BTBD9: variants seen among roughly 807,000 people sequenced by gnomAD.
The protein encoded by BTBD9 is BTB/POZ domain-containing protein 9.
BTBD9 carries 49 observed loss-of-function variants against 64.3 expected under a neutral mutation model. The observed-to-expected ratio is 0.76, with a 90% CI of 0.61 to 0.97. The LOEUF is 0.97. BTBD9 is among the 50% of genes least tolerant of loss of function. The pLI is 0.00. For missense variants in BTBD9, 598 were observed against 762.1 expected, an observed-to-expected ratio of 0.78 and a Z score of 2.53; for synonymous variants, 260 against 274.7, an observed-to-expected ratio of 0.95 and a Z score of 0.53.
chr6:38,268,625 C>T (rs1765096872), intron 8 of BTBD9, among the ~76,000 whole-genome samples: 1 of 152,160 alleles, frequency 6.6e-6, no homozygotes, highest in Non-Finnish European at 1.5e-5. Flanking sequence ...TACTATTTTC[C>T]CACACCTCTT....
chr6:38,302,386 C>T (rs903513174), intron 7 of BTBD9, among the ~76,000 whole-genome samples: 4 of 151,202 alleles, frequency 2.6e-5, no homozygotes, highest in African/African-American at 9.7e-5. Flanking sequence ...CTGTGCCTGG[C>T]TTTCTTATTT....
chr6:38,632,412 A>G (rs1778392135), intron 1 of BTBD9, among the ~76,000 whole-genome samples: 1 of 152,232 alleles, frequency 6.6e-6, no homozygotes, highest in South Asian at 2.1e-4. Flanking sequence ...AATAGAATGT[A>G]TTAATTTTGT....
At chr6:38,364,021 C>T (rs1483887312) in intron 6 of BTBD9, among the ~76,000 whole-genome samples, 2 of 152,054 alleles carry the variant, frequency 1.3e-5, no homozygotes, top group African/African-American at 4.8e-5. Flanking sequence ...GGGGGTTACA[C>T]TAGCCAGGTA....
intron 6 of BTBD9, among the ~76,000 whole-genome samples, chr6:38,364,598 G>T (rs752627275): frequency 6.6e-6 from 1 of 152,158 alleles, no homozygotes; most frequent in Non-Finnish European, 1.5e-5. Context: ...AATACTCCTT[G>T]CCTGACCTTG....
intron 6 of BTBD9, among the ~76,000 whole-genome samples, chr6:38,373,067 A>G (rs975176983): frequency 6.6e-6 from 1 of 152,156 alleles, no homozygotes; most frequent in African/African-American, 2.4e-5. Flanking sequence ...GACCAGCAGC[A>G]AGCACTTAGA....
intron 7 of BTBD9, among the ~76,000 whole-genome samples, chr6:38,319,442 T>C (rs938351345): frequency 2.6e-5 from 4 of 151,860 alleles, no homozygotes; most frequent in African/African-American, 9.7e-5. Context: ...AGGCTCACAG[T>C]GTGTACTACT....
intron 1 of BTBD9, among the ~76,000 whole-genome samples, chr6:38,615,114 T>G (rs941026404): frequency 7.2e-5 from 11 of 152,240 alleles, no homozygotes; most frequent in Admixed American, 7.2e-4. Flanking sequence ...TGGCATAAGT[T>G]GATCCCTTGT....
rs1004317956 is a variant in BTBD9, at chr6:38,172,498, G to A, written c.*2487C>T. ...AAAAGAGTTCCTGCCCCAGTCAGAA[G>A]GCCCCTCAGGGAAGGGCAGTACCCC... is the stretch of plus-strand genomic sequence containing the variant. On this transcript the variant is annotated 3_prime_UTR_variant, in exon 11 of 11. Coordinates refer to ENST00000481247, the MANE Select transcript of BTBD9 (RefSeq NM_001099272.2). 9 of 152,356 alleles carry A rather than the reference G, an allele frequency of 5.9e-5. No individual in the cohort carries two copies. Among genetic ancestry groups the A allele is most frequent in the African/African-American group, 2.2e-4 (9 of 41,468 alleles). 9.4% of individuals were successfully genotyped at this position (152,356 alleles called of 1,614,324 possible).
intron 6 of BTBD9, among the ~76,000 whole-genome samples, chr6:38,435,560 TTTCTTTCC>T (rs1768675854): frequency 6.6e-6 from 1 of 150,706 alleles, no homozygotes; most frequent in African/African-American, 2.5e-5. Flanking sequence ...CCTACTTTTC[TTTCTTTCC>T]TTCTTTCCTT....
At chr6:38,300,961 GT>G (rs1308232634) in intron 7 of BTBD9, among the ~76,000 whole-genome samples, 3 of 152,174 alleles carry the variant, frequency 2.0e-5, no homozygotes, top group African/African-American at 7.2e-5. Context: ...AATGCTTCCA[GT>G]TTTTGTCCAT....
intron 6 of BTBD9, among the ~76,000 whole-genome samples, chr6:38,470,172 C>A (rs1230695386): frequency 6.6e-6 from 1 of 152,200 alleles, no homozygotes; most frequent in Non-Finnish European, 1.5e-5. Context: ...AAGGTCTCTG[C>A]AGACTGTGTG....
At chr6:38,421,508 G>A (rs775470805) in intron 6 of BTBD9, among the ~76,000 whole-genome samples, 1 of 152,042 alleles carries the variant, frequency 6.6e-6, no homozygotes, top group Admixed American at 6.6e-5. Context: ...GCCTGACTTC[G>A]GTCTTCCTTT....
At chr6:38,512,934 A>C (rs1358582463) in intron 6 of BTBD9, among the ~76,000 whole-genome samples, 1 of 152,204 alleles carries the variant, frequency 6.6e-6, no homozygotes, top group African/African-American at 2.4e-5. Context: ...AAAATACCAA[A>C]GTTAACAAAA....
chr6:38,597,886 T>G (rs775709426), intron 2 of BTBD9, 24 bp downstream of exon 2: 1 of 1,602,334 alleles, frequency 6.2e-7, no homozygotes, highest in Non-Finnish European at 8.5e-7. Context: ...AACTAAATTT[T>G]CAAAAAAAGT....
intron 6 of BTBD9, among the ~76,000 whole-genome samples, chr6:38,543,183 T>C (rs549890378): frequency 2.2e-4 from 34 of 152,284 alleles, no homozygotes; most frequent in African/African-American, 7.5e-4. Context: ...TTCCCTGTCA[T>C]TCAGGTGTTA....
chr6:38,346,657 C>T (rs1359418426), intron 6 of BTBD9, among the ~76,000 whole-genome samples: 3 of 152,100 alleles, frequency 2.0e-5, no homozygotes, highest in African/African-American at 4.8e-5. Flanking sequence ...TAAGTTCTTA[C>T]CGGTCTGGGT....
chr6:38,564,743 T>G (rs936303276), intron 6 of BTBD9, among the ~76,000 whole-genome samples: 1 of 151,746 alleles, frequency 6.6e-6, no homozygotes, highest in African/African-American at 2.4e-5. Context: ...AAAAACAAAA[T>G]TAGCTGGGCG....
intron 7 of BTBD9, among the ~76,000 whole-genome samples, chr6:38,312,611 C>T (rs1379421106): frequency 1.3e-5 from 2 of 152,174 alleles, no homozygotes; most frequent in African/African-American, 4.8e-5. Context: ...GGTCTGGTTT[C>T]ATTCTTCCAC....
intron 3 of BTBD9, 34 bp from the exon 4 acceptor site, chr6:38,592,874 A>G (rs377415565): frequency 7.5e-5 from 120 of 1,605,918 alleles, no homozygotes; most frequent in Non-Finnish European, 9.6e-5. Flanking sequence ...TTCCAGTTAT[A>G]TGAAGTTCAA....
Sources: allele counts gnomAD v4.1 joint callset (sites outside exome capture counted in the v4.1 genomes callset), GRCh38; gene constraint gnomAD v4.1.1; transcripts MANE v1.5; gene names NCBI Gene and HGNC (gene_info 2026-07-23, HGNC 2026-07-21).